The following RAB37 variants were observed in gnomAD, a reference collection of about 807,000 sequenced individuals.
RAB37 encodes the protein ras-related protein Rab-37.
A neutral mutation model predicts 33.1 loss-of-function variants in RAB37; 29 were observed. The ratio of observed to expected loss-of-function variants is 0.88; its 90% CI spans 0.65 to 1.20. The LOEUF is 1.20. RAB37 is among the 50% of genes most tolerant of loss of function. The pLI is 0.00. For synonymous variants in RAB37, 128 were observed against 119.5 expected (o/e 1.07, Z -0.47); for missense variants, 299 against 301.1 (o/e 0.99, Z 0.05).
chr17:74,736,583 C>G (rs1040648017), upstream of RAB37: 3 of 1,522,160 alleles, frequency 2.0e-6, no homozygotes, highest in African/African-American at 4.1e-5. Context: ...ATGTGTGCTG[C>G]GCAGCCCTCT....
At chr17:74,695,681 G>A (rs1204815110) in intron 1 of RAB37, 1 of 1,612,938 alleles carries the variant, frequency 6.2e-7, no homozygotes, top group Non-Finnish European at 8.5e-7. Context: ...GCAGGCCTGT[G>A]TCCCCCTGCC....
At chr17:74,707,199 C>A (rs976103817) in intron 1 of RAB37, among the ~76,000 whole-genome samples, 2 of 152,158 alleles carry the variant, frequency 1.3e-5, no homozygotes, top group Non-Finnish European at 2.9e-5. Flanking sequence ...GAAGCGACAA[C>A]CTACAGAGTG....
chr17:74,702,987 G>A (rs1598244739), intron 1 of RAB37: 2 of 1,440,398 alleles, frequency 1.4e-6, no homozygotes, highest in Non-Finnish European at 2.0e-6. Flanking sequence ...GTTCTCCATT[G>A]GAGGAGTTTG....
intron 1 of RAB37, among the ~76,000 whole-genome samples, chr17:74,712,424 T>C (rs7215850): frequency 1 from 152,269 of 152,274 alleles, 76,132 homozygotes; most frequent in Non-Finnish European, 1. Flanking sequence ...CCTTTCAAAG[T>C]CCTCCAGCCT....
intron 1 of RAB37, among the ~76,000 whole-genome samples, chr17:74,716,817 G>A (rs542346641): frequency 3.3e-5 from 5 of 152,266 alleles, no homozygotes; most frequent in Admixed American, 6.5e-5. Flanking sequence ...TCACCAGGGC[G>A]TCCACTCCAA....
rs2034350825 is a variant in RAB37 at position 74,729,077 on chromosome 17, C to G, written c.73-179C>G. Among the ~76,000 whole-genome samples, 1 of 151,608 alleles carries G rather than the reference C, an allele frequency of 6.6e-6. No homozygotes were observed. Among genetic ancestry groups the G allele is most frequent in the South Asian group, 2.1e-4 (1 of 4,796 alleles). On this transcript the variant is annotated intron_variant, in intron 1 of 7. Transcript: ENST00000340415. This position sits in a 1 kb window ranked among gnomAD's most constrained non-coding sequence, Gnocchi z 4.2. ...CATGGGTGTTCTGTGTATGTGTGTA[C>G]ATGTTTTTCTATGTCTGTATGTGTG...
chr17:74,695,112 G>A (rs893817560), intron 1 of RAB37: 2 of 1,613,920 alleles, frequency 1.2e-6, no homozygotes, highest in Non-Finnish European at 1.7e-6. Context: ...CCTGCTGATG[G>A]TGCTGTATTC....
At position 74,737,339 on chromosome 17, in the gene RAB37, A is replaced by G. The variant is rs1480725068; in HGVS notation, c.67A>G (p.Ser23Gly). Residue 23 changes from serine (S) to glycine (G), a missense_variant, in exon 1 of 9, where the codon AGT (serine) becomes GGT (glycine). Physicochemically the swap from Ser to Gly is moderately conservative, Grantham distance 56. Transcript: ENST00000392613. ...GEAPERSPPC[S>G]PSYDLTGKVM... ...GGCCCCCGAGCGCTCCCCGCCCTGCAGTCCGAGCTACGACCTCACGGGCAA... is the reference window on the plus strand; with the variant it reads ...GGCCCCCGAGCGCTCCCCGCCCTGCGGTCCGAGCTACGACCTCACGGGCAA... The G allele has an allele frequency of 6.3e-7, 1 of 1,577,566 alleles. No individual in the cohort carries two copies. The highest frequency in any genetic ancestry group is 1.8e-5 in the Admixed American group (1 of 56,208).
intron 1 of RAB37, chr17:74,698,275 T>C: frequency 2.2e-6 from 2 of 900,288 alleles, no homozygotes; most frequent in Middle Eastern, 3.3e-4. Flanking sequence ...ATTTCCTGAT[T>C]GTGTGGGTAA....
intron 1 of RAB37, among the ~76,000 whole-genome samples, chr17:74,710,488 C>T (rs2033866537): frequency 6.6e-6 from 1 of 152,106 alleles, no homozygotes; most frequent in African/African-American, 2.4e-5. Flanking sequence ...TAGAAAAGTG[C>T]TCATTTACAT....
At chr17:74,700,767 C>G (rs2032974968) in intron 1 of RAB37, among the ~76,000 whole-genome samples, 1 of 151,796 alleles carries the variant, frequency 6.6e-6, no homozygotes, top group African/African-American at 2.4e-5. Context: ...AAACAAACAA[C>G]AAAAAAAACT....
At chr17:74,743,697 G>A (rs191592779) in intron 5 of RAB37, among the ~76,000 whole-genome samples, 2 of 152,220 alleles carry the variant, frequency 1.3e-5, no homozygotes, top group East Asian at 3.9e-4. Flanking sequence ...TCCAGGGCAA[G>A]TTGCAAGAAA....
At chr17:74,674,614 A>G (rs146152461) in intron 1 of RAB37, among the ~76,000 whole-genome samples, 3 of 152,010 alleles carry the variant, frequency 2.0e-5, no homozygotes, top group East Asian at 1.9e-4. Flanking sequence ...GGAGGTGGAG[A>G]CTGCAGTGAG....
chr17:74,691,449 C>T (rs1380519543), intron 1 of RAB37, among the ~76,000 whole-genome samples: 12 of 152,158 alleles, frequency 7.9e-5, no homozygotes, highest in Admixed American at 5.2e-4. Flanking sequence ...GGATTACAAA[C>T]GTGAGCCACC....
intron 1 of RAB37, among the ~76,000 whole-genome samples, chr17:74,721,198 G>T (rs1259149384): frequency 6.6e-6 from 1 of 152,182 alleles, no homozygotes; most frequent in Non-Finnish European, 1.5e-5. Context: ...CTCATTTAGG[G>T]CCGCAGGTCC....
At chr17:74,687,807 C>T (rs1367901425) in intron 1 of RAB37, among the ~76,000 whole-genome samples, 12 of 152,144 alleles carry the variant, frequency 7.9e-5, no homozygotes, top group African/African-American at 2.2e-4. Context: ...CAGTGTGAAC[C>T]GGATCCATGG....
At chr17:74,691,172 CTAAT>C (rs1256915720) in intron 1 of RAB37, among the ~76,000 whole-genome samples, 1 of 152,140 alleles carries the variant, frequency 6.6e-6, no homozygotes, top group Non-Finnish European at 1.5e-5. Flanking sequence ...CCACACCCAG[CTAAT>C]TAATTAATTA....
At chr17:74,673,177 G>A (rs905191306) in intron 1 of RAB37, among the ~76,000 whole-genome samples, 3 of 152,132 alleles carry the variant, frequency 2.0e-5, no homozygotes, top group African/African-American at 4.8e-5. Context: ...GGCCGAGGCG[G>A]TGGACCGCTT....
chr17:74,702,631 C>T (rs890377571), intron 1 of RAB37, among the ~76,000 whole-genome samples: 1 of 152,154 alleles, frequency 6.6e-6, no homozygotes, highest in African/African-American at 2.4e-5. Flanking sequence ...AGAGTCATCC[C>T]TGCGGCTCCA....
Sources: allele counts gnomAD v4.1 joint callset (sites outside exome capture counted in the v4.1 genomes callset), GRCh38; gene constraint gnomAD v4.1.1; non-coding constraint Gnocchi (gnomAD v3.1); transcripts MANE v1.5; gene names NCBI Gene and HGNC (gene_info 2026-07-23, HGNC 2026-07-21).